Variants in KLF17 observed in about 807,000 individuals in gnomAD.
KLF17 encodes Krueppel-like factor 17.
KLF17 carries 31 observed loss-of-function variants against 34.2 expected under a neutral mutation model. The observed-to-expected ratio is 0.91, with a 90% CI of 0.68 to 1.22. The LOEUF is 1.22. Ranked by LOEUF, KLF17 falls within the 50% of genes most tolerant of loss-of-function variation. KLF17 has a pLI of 0.00. For synonymous variants in KLF17, 179 were observed against 186.7 expected, an observed-to-expected ratio of 0.96 and a Z score of 0.34; for missense variants, 478 against 505.2, an observed-to-expected ratio of 0.95 and a Z score of 0.52.
chr1:44,093,901 T>C, the KLF17 span, among the ~76,000 whole-genome samples: 1 of 152,242 alleles, frequency 6.6e-6, no homozygotes, highest in Non-Finnish European at 1.5e-5. Context: ...TAGTGTACTG[T>C]TTTCTTCAGA....
At chr1:44,070,289 T>A in the KLF17 span, among the ~76,000 whole-genome samples, 1 of 152,166 alleles carries the variant, frequency 6.6e-6, no homozygotes, top group Non-Finnish European at 1.5e-5. Flanking sequence ...GGTGGATCCA[T>A]CACTGGAGTA....
the KLF17 span, among the ~76,000 whole-genome samples, chr1:44,053,125 T>C: frequency 6.6e-6 from 1 of 152,190 alleles, no homozygotes; most frequent in Non-Finnish European, 1.5e-5. Flanking sequence ...GGTCTCGAAC[T>C]CCTAACCTCA....
At chr1:44,073,603 A>G in the KLF17 span, among the ~76,000 whole-genome samples, 7 of 152,090 alleles carry the variant, frequency 4.6e-5, no homozygotes, top group African/African-American at 1.7e-4. Context: ...GAGAGGCAAG[A>G]GAAGAGAAAT....
chr1:44,082,044 A>C, the KLF17 span, among the ~76,000 whole-genome samples: 1 of 152,236 alleles, frequency 6.6e-6, no homozygotes, highest in Non-Finnish European at 1.5e-5. Context: ...GTTAATGTCC[A>C]GAGCCTTTCC....
the KLF17 span, among the ~76,000 whole-genome samples, chr1:44,096,095 C>G: frequency 1.3e-5 from 2 of 151,954 alleles, no homozygotes; most frequent in African/African-American, 4.8e-5. Flanking sequence ...GCGTGTGTCA[C>G]CATGCCCAGC....
chr1:44,102,565 TACACACACACAC>T, the KLF17 span, among the ~76,000 whole-genome samples: 699 of 89,348 alleles, frequency 7.8e-3, 7 homozygotes, highest in Middle Eastern at 0.026. Context: ...CACATACACA[TACACACACACAC>T]ACACACACAC....
At chr1:44,084,361 G>A in the KLF17 span, among the ~76,000 whole-genome samples, 1 of 152,148 alleles carries the variant, frequency 6.6e-6, no homozygotes, top group South Asian at 2.1e-4. Context: ...GGTTAAAGTT[G>A]CCTAATCCTG....
chr1:44,106,720 G>A, the KLF17 span: 1 of 152,254 alleles, frequency 6.6e-6, no homozygotes, highest in Non-Finnish European at 1.5e-5. Context: ...GGGCTCTCCA[G>A]AGAGACAAGA....
the KLF17 span, among the ~76,000 whole-genome samples, chr1:44,059,110 T>C: frequency 1.3e-5 from 2 of 152,182 alleles, no homozygotes; most frequent in Non-Finnish European, 2.9e-5. Context: ...CTGTTTCTTA[T>C]GAGTTGCAGC....
chr1:44,092,491 T>C, the KLF17 span, among the ~76,000 whole-genome samples: 50,579 of 152,002 alleles, frequency 0.33, 8,487 homozygotes, highest in South Asian at 0.38. Context: ...ACCAAAATAG[T>C]TCAAGTGATG....
At chr1:44,081,417 G>GT in the KLF17 span, among the ~76,000 whole-genome samples, 790 of 140,276 alleles carry the variant, frequency 5.6e-3, 1 homozygote, top group East Asian at 0.01. Context: ...CCCCATGGTA[G>GT]TTTTTTTTTT....
chr1:44,111,138 A>C, the KLF17 span, among the ~76,000 whole-genome samples: 1 of 147,502 alleles, frequency 6.8e-6, no homozygotes, highest in African/African-American at 2.5e-5. Context: ...AGTGCACACC[A>C]CCACTCCCAG....
the KLF17 span, among the ~76,000 whole-genome samples, chr1:44,063,553 G>A: frequency 2.0e-5 from 3 of 152,322 alleles, no homozygotes; most frequent in African/African-American, 4.8e-5. Flanking sequence ...CAGTTGGGCT[G>A]TTCCAGAAAT....
the KLF17 span, among the ~76,000 whole-genome samples, chr1:44,100,719 A>G: frequency 0.023 from 3,550 of 151,996 alleles, 57 homozygotes; most frequent in South Asian, 0.038. Flanking sequence ...GCAGTGGCGC[A>G]ATCTCCACTC....
the KLF17 span, among the ~76,000 whole-genome samples, chr1:44,054,380 TA>T: frequency 6.6e-6 from 1 of 151,848 alleles, no homozygotes; most frequent in Non-Finnish European, 1.5e-5. Context: ...GCTTCAGGGT[TA>T]CCCACCCCAG....
chr1:44,065,412 T>G, the KLF17 span, among the ~76,000 whole-genome samples: 11 of 145,078 alleles, frequency 7.6e-5, no homozygotes, highest in African/African-American at 1.5e-4. Context: ...TTGGTTTTTT[T>G]TTTTTTTTTT....
At chr1:44,049,412 C>G in the KLF17 span, among the ~76,000 whole-genome samples, 3 of 152,198 alleles carry the variant, frequency 2.0e-5, no homozygotes, top group Non-Finnish European at 4.4e-5. Flanking sequence ...CCCAAGGTGA[C>G]CACTAGCTTA....
upstream of KLF17, chr1:44,115,151 C>T (rs971110322): frequency 2.0e-5 from 3 of 152,170 alleles, no homozygotes; most frequent in African/African-American, 7.2e-5. Context: ...TGTGTTAAAA[C>T]AGTGGGACAG....
the KLF17 span, chr1:44,088,123 A>C: frequency 6.3e-6 from 1 of 158,896 alleles, no homozygotes; most frequent in Non-Finnish European, 1.4e-5. Context: ...TTATTTATTT[A>C]TTTATTTATT....
Sources: allele counts gnomAD v4.1 joint callset (sites outside exome capture counted in the v4.1 genomes callset), GRCh38; gene constraint gnomAD v4.1.1; transcripts MANE v1.5; gene names NCBI Gene and HGNC (gene_info 2026-07-23, HGNC 2026-07-21).